Variants in VEZT observed in about 807,000 individuals in gnomAD.
VEZT encodes vezatin, adherens junctions transmembrane protein.
In VEZT, 39 loss-of-function variants were observed where a neutral mutation model predicts 79.9. The observed-to-expected ratio is 0.49, with a 90% CI of 0.38 to 0.64. The LOEUF is 0.64. Among genes scored for constraint, VEZT ranks in the 30% least tolerant of loss-of-function variants. The probability of loss-of-function intolerance (pLI) is 0.00; values close to 1 mark genes in which losing one functional copy is unlikely to be tolerated. For synonymous variants in VEZT, 325 were observed against 327.6 expected (o/e 0.99, Z 0.09); for missense variants, 837 against 893.1 (o/e 0.94, Z 0.80).
chr12:95,228,889 C>G (rs983558363), intron 1 of VEZT, among the ~76,000 whole-genome samples: 1 of 152,076 alleles, frequency 6.6e-6, no homozygotes, highest in Non-Finnish European at 1.5e-5. Context: ...TGCAGTGCAA[C>G]CTGCTTCGGG....
At position 95,282,436 on chromosome 12, in the gene VEZT, T is replaced by G; in HGVS notation, c.1120T>G (p.Leu374Val). Residue 374 changes from leucine (L) to valine (V), a missense_variant, in exon 8 of 12, where the codon TTA (leucine) becomes GTA (valine). Coordinates refer to ENST00000436874, the MANE Select transcript of VEZT (RefSeq NM_017599.4). ...TCCAGCACTTCTGCCTCATCGTATC[T>G]TATCTGATGTGACTCAAGGTCTACC... ...LTPALLPHRILSDVTQGLPHA... is the reference protein window; with the variant it reads ...LTPALLPHRIVSDVTQGLPHA... 1 of 1,614,016 alleles carries G rather than the reference T, an allele frequency of 6.2e-7. No individual in the cohort carries two copies. Among genetic ancestry groups the G allele is most frequent in the Non-Finnish European group, 8.5e-7 (1 of 1,179,900 alleles).
intron 1 of VEZT, among the ~76,000 whole-genome samples, chr12:95,236,291 C>T (rs1283544296): frequency 2.6e-5 from 4 of 152,146 alleles, no homozygotes; most frequent in Non-Finnish European, 4.4e-5. Context: ...GGCGTGGCGG[C>T]GCGCGCCTGT....
At chr12:95,231,794 A>T (rs1326660310) in intron 1 of VEZT, among the ~76,000 whole-genome samples, 1 of 152,178 alleles carries the variant, frequency 6.6e-6, no homozygotes, top group Admixed American at 6.5e-5. Context: ...AGTTAATTTC[A>T]GATTATATTT....
At chr12:95,277,828 T>A (rs1280930539) in intron 7 of VEZT, among the ~76,000 whole-genome samples, 1 of 152,240 alleles carries the variant, frequency 6.6e-6, no homozygotes, top group Non-Finnish European at 1.5e-5. Flanking sequence ...CAAATGGTAA[T>A]AGCTGTTATT....
chr12:95,228,163 A>G (rs1340885945), intron 1 of VEZT, among the ~76,000 whole-genome samples: 1 of 152,174 alleles, frequency 6.6e-6, no homozygotes, highest in Non-Finnish European at 1.5e-5. Context: ...CAGTATGTTC[A>G]GCTTTCGCCC....
intron 3 of VEZT, among the ~76,000 whole-genome samples, chr12:95,260,989 G>C (rs1221699817): frequency 7.3e-6 from 1 of 137,394 alleles, no homozygotes; most frequent in Non-Finnish European, 1.5e-5. Flanking sequence ...TACATGCAGA[G>C]TGTGTCAGTA....
intron 2 of VEZT, among the ~76,000 whole-genome samples, chr12:95,254,288 T>A (rs898157666): frequency 1.3e-5 from 2 of 151,812 alleles, no homozygotes; most frequent in Non-Finnish European, 2.9e-5. Flanking sequence ...TATTGCACAT[T>A]TCTAAGACAA....
chr12:95,267,659 T>A (rs2065791913), intron 5 of VEZT, among the ~76,000 whole-genome samples: 1 of 152,182 alleles, frequency 6.6e-6, no homozygotes, highest in Non-Finnish European at 1.5e-5. Flanking sequence ...TGTTCTTTAC[T>A]CTCTTGTGTT....
intron 6 of VEZT, among the ~76,000 whole-genome samples, chr12:95,274,519 TA>T (rs1435926131): frequency 6.6e-6 from 1 of 152,164 alleles, no homozygotes; most frequent in East Asian, 1.9e-4. Flanking sequence ...CTTGAACTGT[TA>T]ATTTTTTAGA....
At chr12:95,250,801 A>G (rs1262114610) in intron 1 of VEZT, among the ~76,000 whole-genome samples, 2 of 141,238 alleles carry the variant, frequency 1.4e-5, no homozygotes, top group Non-Finnish European at 3.0e-5. Flanking sequence ...CACATAGCTT[A>G]TATATAGTTA....
chr12:95,235,908 G>T (rs9706175), intron 1 of VEZT, among the ~76,000 whole-genome samples: 2 of 150,482 alleles, frequency 1.3e-5, no homozygotes, highest in Admixed American at 6.6e-5. Context: ...ATGGGCAGCC[G>T]GGCAGAGACG....
Position 95,245,165 on chromosome 12 carries a change from TGGA to T in VEZT, c.37-6772_37-6770del, listed in dbSNP as rs1332096682. Among the ~76,000 whole-genome samples the T allele has an allele frequency of 2.0e-5, 3 of 151,784 alleles. No individual in the cohort carries two copies. The East Asian group carries it at 5.8e-4, about 29-fold the overall frequency. On this transcript the variant is annotated intron_variant, in intron 1 of 11. Coordinates refer to ENST00000436874, the MANE Select transcript of VEZT (RefSeq NM_017599.4). Reference sequence around the variant, plus strand: ...AGGAGAATCACTTGAACCCGGGAGGTGGAGGTTGCAGTGAGCCAAGATCGTGCC... The same window carrying T: ...AGGAGAATCACTTGAACCCGGGAGGTGGTTGCAGTGAGCCAAGATCGTGCC...
At chr12:95,245,551 A>G (rs768317107) in intron 1 of VEZT, 1 of 456,764 alleles carries the variant, frequency 2.2e-6, no homozygotes, top group South Asian at 1.5e-5. Context: ...GAAGATGTTC[A>G]GTAAGTATTT....
At chr12:95,299,556 G>C (rs1022256610) in intron 11 of VEZT, 2 of 152,048 alleles carry the variant, frequency 1.3e-5, no homozygotes, top group African/African-American at 4.8e-5. Context: ...CTTGTTAGGT[G>C]GTTGGCAAGT....
At position 95,274,815 on chromosome 12, in the gene VEZT, G is replaced by A. The variant is rs532519493; in HGVS notation, c.922G>A (p.Gly308Arg). 6.2e-7 allele frequency: 1 copy of A among 1,613,836 alleles called. No individual in the cohort carries two copies. The highest frequency in any genetic ancestry group is 1.3e-5 in the African/African-American group (1 of 75,026). ...GGTGCCTTTTAAAGAGCTGGGCCTT[G>A]GACTTAGTGAAGAGCAGATTTCAGA... ...CVVPFKELGL[G>R]LSEEQISEEE... The change falls in exon 7 of 12, where the codon GGA becomes AGA. Residue 308 changes from glycine to arginine, a missense_variant. Gly to Arg is a moderately radical substitution (Grantham distance 125). Transcript: ENST00000436874.
chr12:95,289,509 A>T (rs938963526), intron 9 of VEZT, among the ~76,000 whole-genome samples: 1 of 151,270 alleles, frequency 6.6e-6, no homozygotes, highest in Non-Finnish European at 1.5e-5. Context: ...TCTATCGCTT[A>T]TCCACTATTG....
In VEZT at chr12:95,266,271, T is replaced by G. The variant is rs1400267533; in HGVS notation, c.435-86T>G. On this transcript the variant is annotated intron_variant, in intron 4 of 11. Coordinates refer to ENST00000436874, the MANE Select transcript of VEZT (RefSeq NM_017599.4). ...ATTTTATTTATTTAGTAAACCTAAATTTAAATTTTGTTTTTACTGATTAAA... is the reference window on the plus strand; with the variant it reads ...ATTTTATTTATTTAGTAAACCTAAAGTTAAATTTTGTTTTTACTGATTAAA... 3.6e-6 allele frequency: 5 copies of G among 1,407,372 alleles called. No homozygotes were observed. The East Asian group carries it at 1.2e-4, about 33-fold the overall frequency. 87.2% of individuals were successfully genotyped at this position (1,407,372 alleles called of 1,614,324 possible). A position where few individuals can be genotyped will look rare whatever the true frequency, so the allele number is the denominator to read the frequency against.
Position 95,289,087 on chromosome 12 carries a change from A to AT in VEZT, c.1522+1230_1522+1231insT, listed in dbSNP as rs1374197300. Among the ~76,000 whole-genome samples, 467 of 141,228 alleles carry AT rather than the reference A, an allele frequency of 3.3e-3. 2 individuals carry two copies. Among genetic ancestry groups the AT allele is most frequent in the Middle Eastern group, 0.014 (4 of 280 alleles). The allele number at this position is 141,228 out of a possible 152,430, so 92.7% of individuals were successfully genotyped here. A position where few individuals can be genotyped will look rare whatever the true frequency, so the allele number is the denominator to read the frequency against. On this transcript the variant is annotated intron_variant, in intron 9 of 11. Coordinates refer to ENST00000436874, the MANE Select transcript of VEZT (RefSeq NM_017599.4). ...ACAGAGCGAGACTCCGTCTCAAAAA[A>AT]AAAAATAAATAAATAAATAAATAAA...
At chr12:95,240,014 G>GAA (rs2060738114) in intron 1 of VEZT, among the ~76,000 whole-genome samples, 2 of 117,196 alleles carry the variant, frequency 1.7e-5, no homozygotes, top group South Asian at 3.3e-4. Context: ...GAGAGAAAGA[G>GAA]AGAAAGAAAG....
Sources: gnomAD v4.1 joint callset for allele counts (sites outside exome capture counted in the v4.1 genomes callset) on GRCh38, gnomAD v4.1.1 for gene constraint, MANE v1.5 for transcripts, NCBI Gene and HGNC (gene_info 2026-07-23, HGNC 2026-07-21) for gene names.